Variants in SNX8 observed in about 807,000 individuals in gnomAD.
SNX8 encodes sorting nexin 8.
Under a neutral mutation model 51.6 loss-of-function variants are expected in SNX8, and 25 were observed. That is an observed-to-expected ratio of 0.48 (90% CI 0.35 to 0.68). The LOEUF (loss-of-function observed/expected upper bound fraction) is 0.68. Among genes scored for constraint, SNX8 ranks in the 30% least tolerant of loss-of-function variants. The pLI, the probability that SNX8 is intolerant of heterozygous loss-of-function variation, is 0.00. For missense variants in SNX8, 695 were observed against 624.0 expected (o/e 1.11, Z -1.21); for synonymous variants, 324 against 277.0 (o/e 1.17, Z -1.68).
intron 7 of SNX8, among the ~76,000 whole-genome samples, chr7:2,262,855 C>G (rs542274921): frequency 1.3e-5 from 2 of 152,238 alleles, no homozygotes; most frequent in Non-Finnish European, 2.9e-5. Context: ...CAGTGGCTCA[C>G]GCCTGTAATC....
intron 1 of SNX8, among the ~76,000 whole-genome samples, chr7:2,321,608 A>C (rs2115225257): frequency 6.7e-6 from 1 of 149,016 alleles, no homozygotes; most frequent in Middle Eastern, 3.6e-3. Context: ...TTGTGTTTTT[A>C]GCAGAGACAA....
At position 2,263,218 on chromosome 7, in the gene SNX8, C is replaced by T. The variant is rs772051749; in HGVS notation, c.915+12G>A. 6.2e-6 allele frequency: 10 copies of T among 1,613,234 alleles called. No individual in the cohort carries two copies. Among genetic ancestry groups the T allele is most frequent in the South Asian group, 2.2e-5 (2 of 90,990 alleles). Reference sequence around the variant, plus strand: ...CTCTGGAACAGGCGCCTGGGAGAACCGATCCACTCACCTGTTGTGCAGCCT... The same window carrying T: ...CTCTGGAACAGGCGCCTGGGAGAACTGATCCACTCACCTGTTGTGCAGCCT... On this transcript the variant is annotated intron_variant, in intron 7 of 10. Transcript: ENST00000222990.
At chr7:2,309,971 G>A (rs752977667) in intron 1 of SNX8, 12 of 436,142 alleles carry the variant, frequency 2.8e-5, no homozygotes, top group Admixed American at 1.4e-4. Context: ...CCAGGTCAAC[G>A]CGGACAAACA....
chr7:2,286,567 G>A (rs188391514), intron 1 of SNX8, among the ~76,000 whole-genome samples: 3,545 of 150,632 alleles, frequency 0.024, 139 homozygotes, highest in African/African-American at 0.082. Context: ...GCCCAGGCTG[G>A]AGTGCAGTGG....
upstream of SNX8, among the ~76,000 whole-genome samples, chr7:2,315,005 C>T (rs1584734605): frequency 6.6e-6 from 1 of 151,118 alleles, no homozygotes; most frequent in East Asian, 1.9e-4. Flanking sequence ...CCCACTCACT[C>T]ACTGCATCCT....
chr7:2,308,689 G>C (rs898636583), intron 1 of SNX8, among the ~76,000 whole-genome samples: 10 of 148,962 alleles, frequency 6.7e-5, no homozygotes, highest in African/African-American at 2.5e-4. Context: ...AAAAAAAAAG[G>C]GTCATGGAAG....
chr7:2,308,229 T>C (rs6949625), intron 1 of SNX8, among the ~76,000 whole-genome samples: 5,571 of 152,176 alleles, frequency 0.037, 345 homozygotes, highest in African/African-American at 0.13. Context: ...GATAGTATTC[T>C]AGATACTGTG....
intron 2 of SNX8, among the ~76,000 whole-genome samples, chr7:2,275,997 CAAAA>C (rs772419452): frequency 1.9e-5 from 2 of 105,062 alleles, no homozygotes; most frequent in African/African-American, 7.2e-5. Context: ...GACTCCATTT[CAAAA>C]AAAAAAAAAA....
chr7:2,301,797 G>T (rs1020357599), intron 1 of SNX8, among the ~76,000 whole-genome samples: 1 of 152,146 alleles, frequency 6.6e-6, no homozygotes, highest in Admixed American at 6.6e-5. Flanking sequence ...CCTGCCTCCA[G>T]CGTCGAGTTC....
chr7:2,275,157 G>T lies in SNX8; in HGVS notation c.373C>A (p.Pro125Thr). The change falls in exon 3 of 11, where the codon CCC (proline) becomes ACC (threonine). Residue 125 changes from proline to threonine, a missense_variant. Physicochemically the swap from Pro to Thr is conservative, Grantham distance 38. Coordinates refer to ENST00000222990, the MANE Select transcript of SNX8 (RefSeq NM_013321.4). Reference sequence around the variant, plus strand: ...GGCAGGGCAGGCACCATACGGTAGGGGAACTTGTGCAGGAGCATCTCCTGG... The same window carrying T: ...GGCAGGGCAGGCACCATACGGTAGGTGAACTTGTGCAGGAGCATCTCCTGG... Reference protein sequence around the residue: ...VFQEMLLHKFPYRMVPALPPK... With the variant: ...VFQEMLLHKFTYRMVPALPPK... 1 of 1,614,186 alleles carries T rather than the reference G, an allele frequency of 6.2e-7. No individual in the cohort carries two copies. Among genetic ancestry groups the T allele is most frequent in the South Asian group, 1.1e-5 (1 of 91,092 alleles).
At chr7:2,278,465 G>A (rs1192383409) in intron 1 of SNX8, among the ~76,000 whole-genome samples, 160 bp from the exon 2 acceptor site, 1 of 152,202 alleles carries the variant, frequency 6.6e-6, no homozygotes, top group Non-Finnish European at 1.5e-5. Flanking sequence ...GTAATATGGT[G>A]AGACCCCATC....
intron 1 of SNX8, among the ~76,000 whole-genome samples, chr7:2,321,713 CTTTTTTTTTTTT>C (rs59105866): frequency 1.1e-5 from 1 of 88,678 alleles, no homozygotes; most frequent in Non-Finnish European, 2.1e-5. Context: ...CGCGCCCGGC[CTTTTTTTTTTTT>C]TTTTTTTTGA....
chr7:2,281,463 A>G (rs1255311558), intron 1 of SNX8, among the ~76,000 whole-genome samples: 1 of 152,034 alleles, frequency 6.6e-6, no homozygotes, highest in East Asian at 1.9e-4. Flanking sequence ...TCAAATGGGT[A>G]CACTGCCAGG....
At chr7:2,331,923 A>C (rs1375128837) in intron 1 of SNX8, among the ~76,000 whole-genome samples, 1 of 150,132 alleles carries the variant, frequency 6.7e-6, no homozygotes, top group Non-Finnish European at 1.5e-5. Context: ...AGATATTACA[A>C]GGCCGGGCGT....
rs1236506340 is a variant in SNX8 at position 2,345,680 on chromosome 7, CA to C, written c.-66+8541del. ...GGGCGAGACAGAGTGAGAATCCGTC[CA>C]AAAAAAAAAAAGAAGAAGAAATGTG... is the stretch of plus-strand genomic sequence containing the variant. On this transcript the variant is annotated intron_variant, in intron 1 of 5. Coordinates refer to the SNX8 transcript ENST00000435336. Among the ~76,000 whole-genome samples, 160 of 140,000 alleles carry C rather than the reference CA, an allele frequency of 1.1e-3. 1 individual carries two copies. Among genetic ancestry groups the C allele is most frequent in the African/African-American group, 3.3e-3 (119 of 35,854 alleles). The allele number at this position is 140,000 out of a possible 152,430, so 91.8% of individuals were successfully genotyped here. A position where few individuals can be genotyped will look rare whatever the true frequency, so the allele number is the denominator to read the frequency against.
chr7:2,265,533 CTTACAGAG>C (rs1232848988), intron 5 of SNX8, among the ~76,000 whole-genome samples: 1 of 149,854 alleles, frequency 6.7e-6, no homozygotes, highest in Non-Finnish European at 1.5e-5. Flanking sequence ...GTCCCAGGTG[CTTACAGAG>C]GGCTGAGGCA....
intron 1 of SNX8, among the ~76,000 whole-genome samples, chr7:2,281,772 A>G (rs559140636): frequency 1.3e-5 from 2 of 152,122 alleles, no homozygotes; most frequent in Non-Finnish European, 2.9e-5. Context: ...AGCCTCCATC[A>G]TTTCCTAGCT....
chr7:2,300,968 T>TCGAA (rs1796377495), intron 1 of SNX8, among the ~76,000 whole-genome samples: 1 of 152,098 alleles, frequency 6.6e-6, no homozygotes, highest in Non-Finnish European at 1.5e-5. Flanking sequence ...AAACCCAACC[T>TCGAA]CGAACGAGAC....
chr7:2,264,072 G>A (rs1196095683), intron 6 of SNX8, among the ~76,000 whole-genome samples: 1 of 151,966 alleles, frequency 6.6e-6, no homozygotes, highest in Non-Finnish European at 1.5e-5. Context: ...CTAGAAACTG[G>A]TGAGCATTTA....
Sources: allele counts gnomAD v4.1 joint callset (sites outside exome capture counted in the v4.1 genomes callset), GRCh38; gene constraint gnomAD v4.1.1; transcripts MANE v1.5; gene names NCBI Gene and HGNC (gene_info 2026-07-23, HGNC 2026-07-21).